Variants in LHFPL2 observed in about 807,000 individuals in gnomAD.
LHFPL2 encodes the protein LHFPL tetraspan subfamily member 2.
LHFPL2 carries 7 observed loss-of-function variants against 17.5 expected under a neutral mutation model. The observed-to-expected ratio is 0.40, with a 90% CI of 0.23 to 0.75. LHFPL2 has a LOEUF of 0.75. LHFPL2 is among the 30% of genes least tolerant of loss of function. LHFPL2 has a pLI of 0.37. For missense variants in LHFPL2, 241 were observed against 294.8 expected, an observed-to-expected ratio of 0.82 and a Z score of 1.34; for synonymous variants, 134 against 116.2, an observed-to-expected ratio of 1.15 and a Z score of -0.99.
chr5:78,613,179 T>C (rs1426212703), intron 2 of LHFPL2, among the ~76,000 whole-genome samples: 1 of 152,250 alleles, frequency 6.6e-6, no homozygotes, highest in East Asian at 1.9e-4. Flanking sequence ...ATCAGCTTTC[T>C]ACCTCTGTTG....
chr5:78,616,141 T>G (rs908039257), intron 2 of LHFPL2, among the ~76,000 whole-genome samples: 2 of 152,092 alleles, frequency 1.3e-5, no homozygotes, highest in Non-Finnish European at 2.9e-5. Context: ...TGGGGGTTTT[T>G]TTTTGAGATG....
chr5:78,584,314 C>G (rs372308158), intron 2 of LHFPL2, among the ~76,000 whole-genome samples: 5 of 152,202 alleles, frequency 3.3e-5, no homozygotes, highest in Non-Finnish European at 1.5e-5. Flanking sequence ...AGCTTTGTTC[C>G]GTTGCTGGTG....
At chr5:78,646,781 T>C (rs1745898116) in intron 1 of LHFPL2, among the ~76,000 whole-genome samples, 1 of 152,238 alleles carries the variant, frequency 6.6e-6, no homozygotes, top group African/African-American at 2.4e-5. Flanking sequence ...CATACATTAC[T>C]TCTTCCAGAA....
At chr5:78,504,018 T>G (rs77565459) in intron 4 of LHFPL2, among the ~76,000 whole-genome samples, 2 of 151,830 alleles carry the variant, frequency 1.3e-5, no homozygotes, top group Non-Finnish European at 2.9e-5. Flanking sequence ...CATGTCTGCA[T>G]TTTTTTTACT....
rs2112277125 is a variant in LHFPL2 at position 78,486,832 on chromosome 5, C to T, written c.*2065G>A. ...GAGCTTAGGACTTAACTTGTAAGGA[C>T]ACTGAGATTGTAAACCTAGTGTCAG... On this transcript the variant is annotated 3_prime_UTR_variant, in exon 5 of 5. Coordinates refer to ENST00000380345, the MANE Select transcript of LHFPL2 (RefSeq NM_005779.3). The T allele has an allele frequency of 6.6e-6, 1 of 152,276 alleles. No individual in the cohort carries two copies. Among genetic ancestry groups the T allele is most frequent in the Non-Finnish European group, 1.5e-5 (1 of 68,026 alleles). 9.4% of individuals were successfully genotyped at this position (152,276 alleles called of 1,614,324 possible). A position where few individuals can be genotyped will look rare whatever the true frequency, so the allele number is the denominator to read the frequency against.
At chr5:78,633,775 C>T (rs543856704) in intron 1 of LHFPL2, among the ~76,000 whole-genome samples, 1 of 152,324 alleles carries the variant, frequency 6.6e-6, no homozygotes, top group East Asian at 1.9e-4. Context: ...AGGCAAGGCC[C>T]TTCCTCTTCT....
chr5:78,579,946 C>A (rs957362652), intron 2 of LHFPL2, among the ~76,000 whole-genome samples: 5 of 152,202 alleles, frequency 3.3e-5, no homozygotes, highest in Non-Finnish European at 7.3e-5. Flanking sequence ...AATGTTTGAA[C>A]TAGTTTACAG....
At chr5:78,536,810 T>C (rs1467625284) in intron 3 of LHFPL2, among the ~76,000 whole-genome samples, 1 of 152,238 alleles carries the variant, frequency 6.6e-6, no homozygotes, top group South Asian at 2.1e-4. Context: ...ACCACCACCA[T>C]GCAGCAAAAA....
intron 3 of LHFPL2, among the ~76,000 whole-genome samples, chr5:78,547,655 A>G (rs1756320694): frequency 2.6e-5 from 4 of 152,234 alleles, no homozygotes; most frequent in Admixed American, 2.6e-4. Context: ...CGTATGAAAT[A>G]TTAACAGGGA....
At chr5:78,578,307 A>G (rs890972884) in intron 2 of LHFPL2, among the ~76,000 whole-genome samples, 1 of 152,204 alleles carries the variant, frequency 6.6e-6, no homozygotes, top group Non-Finnish European at 1.5e-5. Flanking sequence ...TTCAAAAGCA[A>G]TGAGGGAGCT....
At chr5:78,644,429 C>T (rs898389655) in intron 1 of LHFPL2, 2 of 689,818 alleles carry the variant, frequency 2.9e-6, no homozygotes, top group East Asian at 2.7e-5. Context: ...CATAAGGCTG[C>T]TTATCATCTG....
intron 3 of LHFPL2, among the ~76,000 whole-genome samples, chr5:78,519,334 G>A (rs1451224320): frequency 1.3e-5 from 2 of 152,188 alleles, no homozygotes; most frequent in Non-Finnish European, 2.9e-5. Context: ...GATCACTGCA[G>A]AGCAGTTCCT....
Position 78,569,487 on chromosome 5 carries a change from T to G in LHFPL2, c.-244-4616A>C, listed in dbSNP as rs1184093329. Among the ~76,000 whole-genome samples the G allele has an allele frequency of 2.0e-5, 3 of 152,216 alleles. No individual in the cohort carries two copies. The South Asian group carries it at 6.2e-4, about 32-fold the overall frequency. ...TCCAGAACTAGGCTGGTGTAACTTT[T>G]TTTTTAAAGTCTGAAATGCATTCTC... On this transcript the variant is annotated intron_variant, in intron 2 of 4. Coordinates refer to ENST00000380345, the MANE Select transcript of LHFPL2 (RefSeq NM_005779.3).
At chr5:78,582,021 G>A (rs559529243) in intron 2 of LHFPL2, among the ~76,000 whole-genome samples, 1 of 152,228 alleles carries the variant, frequency 6.6e-6, no homozygotes, top group Non-Finnish European at 1.5e-5. Flanking sequence ...AGTCTTGGGA[G>A]AGTGTATGTG....
chr5:78,503,708 C>A (rs1221435095), intron 4 of LHFPL2, among the ~76,000 whole-genome samples: 1 of 151,908 alleles, frequency 6.6e-6, no homozygotes, highest in African/African-American at 2.4e-5. Flanking sequence ...CAAAAACAAA[C>A]AAACAAACAC....
At chr5:78,492,611 G>T (rs145382896) in intron 4 of LHFPL2, among the ~76,000 whole-genome samples, 96 of 152,334 alleles carry the variant, frequency 6.3e-4, no homozygotes, top group African/African-American at 2.3e-3. Context: ...CTGCTGAGGG[G>T]CTTCAGGCCA....
intron 2 of LHFPL2, among the ~76,000 whole-genome samples, chr5:78,616,155 T>C (rs189587743): frequency 6.6e-6 from 1 of 152,006 alleles, no homozygotes; most frequent in Admixed American, 6.6e-5. Flanking sequence ...TGAGATGAAG[T>C]CTCACTCTGT....
chr5:78,527,363 G>GT (rs35135294), intron 3 of LHFPL2, among the ~76,000 whole-genome samples: 5,412 of 107,966 alleles, frequency 0.05, 312 homozygotes, highest in African/African-American at 0.14. Context: ...CTGATGAGGA[G>GT]TTTTTTTTTT....
chr5:78,494,272 G>T, intron 4 of LHFPL2: 1 of 730,108 alleles, frequency 1.4e-6, no homozygotes, highest in Non-Finnish European at 1.7e-6. Context: ...GGAGGAAGAA[G>T]AAATGGGGGG....
Sources: gnomAD v4.1 joint callset for allele counts (sites outside exome capture counted in the v4.1 genomes callset) on GRCh38, gnomAD v4.1.1 for gene constraint, MANE v1.5 for transcripts, NCBI Gene and HGNC (gene_info 2026-07-23, HGNC 2026-07-21) for gene names.